The following PIP5K1C variants were observed in gnomAD, a reference collection of about 807,000 sequenced individuals.
The protein encoded by PIP5K1C is phosphatidylinositol-4-phosphate 5-kinase type 1 gamma.
PIP5K1C carries 45 observed loss-of-function variants against 80.1 expected under a neutral mutation model. That is an observed-to-expected ratio of 0.56 (90% CI 0.44 to 0.72). PIP5K1C has a LOEUF of 0.72. Ranked by LOEUF, PIP5K1C falls within the 30% of genes least tolerant of loss-of-function variation. PIP5K1C has a pLI of 0.00. For missense variants in PIP5K1C, 753 were observed against 954.6 expected, an observed-to-expected ratio of 0.79 and a Z score of 2.78; for synonymous variants, 498 against 420.1, an observed-to-expected ratio of 1.19 and a Z score of -2.27.
In PIP5K1C at chr19:3,641,688, G is replaced by A. The variant is rs767802672; in HGVS notation, c.1787+17C>T. ...CAGCAGGTGGGCGCCCCGACCTCCC[G>A]CCGAGGCCGTGCTCACCCTGCGTCC... On this transcript the variant is annotated intron_variant, in intron 15 of 17. Transcript: ENST00000335312. The A allele has an allele frequency of 7.5e-6, 12 of 1,597,864 alleles. No individual in the cohort carries two copies. The highest frequency in any genetic ancestry group is 1.9e-4 in the Middle Eastern group (1 of 5,332).
intron 1 of PIP5K1C, among the ~76,000 whole-genome samples, chr19:3,671,452 C>T (rs564744234): frequency 3.7e-4 from 56 of 152,356 alleles, no homozygotes; most frequent in Middle Eastern, 3.4e-3. Flanking sequence ...TTCACCTGCC[C>T]GACTCACCTG....
Position 3,643,252 on chromosome 19 carries a change from G to C in PIP5K1C, c.1640C>G (p.Pro547Arg). ...ERSPSETSEQ[P>R]RYRRRTQSSG... Reference sequence around the variant, plus strand: ...CGGATGCCTCGCCCACCTGTACCGCGGCTGCTCCGACGTCTCCGAGGGGGA... The same window carrying C: ...CGGATGCCTCGCCCACCTGTACCGCCGCTGCTCCGACGTCTCCGAGGGGGA... Residue 547 changes from proline to arginine, a missense_variant, in exon 13 of 18, where the codon CCG becomes CGG. Pro to Arg is a moderately radical substitution (Grantham distance 103). Around this residue, in one of 6 missense-constraint regions of PIP5K1C, gnomAD observed 315 missense variants for 294.5 expected, o/e 1.07. Transcript: ENST00000335312. The C allele has an allele frequency of 1.2e-6, 2 of 1,613,558 alleles. No homozygotes were observed. Among genetic ancestry groups the C allele is most frequent in the Non-Finnish European group, 1.7e-6 (2 of 1,179,882 alleles).
chr19:3,639,021 G>T lies in PIP5K1C; in HGVS notation c.1788-5C>A. 1 of 1,609,942 alleles carries T rather than the reference G, an allele frequency of 6.2e-7. No individual in the cohort carries two copies. Among genetic ancestry groups the T allele is most frequent in the Admixed American group, 1.7e-5 (1 of 60,004 alleles). ...CCGGCCGGGGAAGCCTCCACCCTGG[G>T]GACAGGAGTAGACAGAGGGTCTTGA... On this transcript the variant is annotated splice_region_variant and splice_polypyrimidine_tract_variant and intron_variant, in intron 15 of 17. Transcript: ENST00000335312.
chr19:3,684,989 G>A (rs1361973048), intron 1 of PIP5K1C, among the ~76,000 whole-genome samples: 1 of 152,184 alleles, frequency 6.6e-6, no homozygotes, highest in Non-Finnish European at 1.5e-5. Context: ...CCATCCTTTG[G>A]TGCCGTCTGA....
At chr19:3,661,587 G>T (rs1268640628) in intron 4 of PIP5K1C, among the ~76,000 whole-genome samples, 2 of 152,244 alleles carry the variant, frequency 1.3e-5, no homozygotes, top group Admixed American at 1.3e-4. Flanking sequence ...CAACACCATG[G>T]AACCTCCTGA....
At chr19:3,663,091 C>A (rs372774809) in intron 3 of PIP5K1C, among the ~76,000 whole-genome samples, 1 of 152,342 alleles carries the variant, frequency 6.6e-6, no homozygotes, top group East Asian at 1.9e-4. Context: ...GTCTCCAACT[C>A]CTGACCTCTG....
chr19:3,643,435 C>G (rs1332352438), intron 12 of PIP5K1C, 54 bp from the exon 13 acceptor site: 4 of 1,606,432 alleles, frequency 2.5e-6, no homozygotes, highest in African/African-American at 2.7e-5. Flanking sequence ...CCCAAACACA[C>G]AGTCGATTCT....
At chr19:3,653,222 C>T in intron 7 of PIP5K1C, 68 bp downstream of exon 7, 2 of 1,497,866 alleles carry the variant, frequency 1.3e-6, no homozygotes, top group South Asian at 1.1e-5. Context: ...CCCTGCCTGC[C>T]CAGGCCGAGC....
At chr19:3,700,105 G>A (rs1034125458) in intron 1 of PIP5K1C, among the ~76,000 whole-genome samples, 192 bp downstream of exon 1, 7 of 151,928 alleles carry the variant, frequency 4.6e-5, no homozygotes, top group East Asian at 1.9e-4. Flanking sequence ...GCCCCTCGCA[G>A]GCCTCCCGCT....
At chr19:3,661,256 C>A (rs954764619) in intron 4 of PIP5K1C, among the ~76,000 whole-genome samples, 173 bp from the exon 5 acceptor site, 1 of 152,170 alleles carries the variant, frequency 6.6e-6, no homozygotes, top group East Asian at 1.9e-4. Context: ...TGGGACTGTC[C>A]CCCAGTAACC....
At chr19:3,647,196 TCA>T (rs1488214942) in intron 10 of PIP5K1C, 140 bp downstream of exon 10, 57 of 662,772 alleles carry the variant, frequency 8.6e-5, no homozygotes, top group Admixed American at 4.6e-4. Flanking sequence ...GTGCAGGCAC[TCA>T]CAGGAGGAGG....
At chr19:3,646,079 G>C in intron 10 of PIP5K1C, 21 bp from the exon 11 acceptor site, 1 of 1,526,256 alleles carries the variant, frequency 6.6e-7, no homozygotes, top group Non-Finnish European at 9.1e-7. Context: ...GTTGGGGGGG[G>C]TGCCCGGGGG....
At chr19:3,681,650 A>C (rs1016840586) in intron 1 of PIP5K1C, among the ~76,000 whole-genome samples, 4 of 152,098 alleles carry the variant, frequency 2.6e-5, no homozygotes, top group Admixed American at 2.0e-4. Context: ...CCATGAGGTG[A>C]CTGGCATTGG....
At chr19:3,667,917 C>T (rs932600075) in intron 1 of PIP5K1C, among the ~76,000 whole-genome samples, 4 of 152,130 alleles carry the variant, frequency 2.6e-5, no homozygotes, top group Admixed American at 1.3e-4. Context: ...TTGCAGGGAG[C>T]GCCCAGCACC....
intron 1 of PIP5K1C, among the ~76,000 whole-genome samples, chr19:3,668,043 C>G (rs2035072517): frequency 6.6e-6 from 1 of 152,154 alleles, no homozygotes; most frequent in Admixed American, 6.5e-5. Context: ...GGACCCCCAG[C>G]CCTGCCCTGG....
At chr19:3,674,606 G>A (rs574639984) in intron 1 of PIP5K1C, among the ~76,000 whole-genome samples, 9 of 152,138 alleles carry the variant, frequency 5.9e-5, no homozygotes, top group South Asian at 2.1e-4. Flanking sequence ...GGGTTCAAGC[G>A]ATTCTCCTGC....
intron 3 of PIP5K1C, among the ~76,000 whole-genome samples, chr19:3,664,208 C>T (rs1342166025): frequency 6.6e-6 from 1 of 152,156 alleles, no homozygotes; most frequent in Non-Finnish European, 1.5e-5. Flanking sequence ...GGTGCCAGGG[C>T]TGGGAGTCGG....
In PIP5K1C at chr19:3,688,583, G is replaced by T. The variant is rs2035844905; in HGVS notation, c.94+11714C>A. ...CCACTGAGAGCCGCGTGTGTTTTTT[G>T]CGGTTTTGCTGGTGATTCTGCTGCT... On this transcript the variant is annotated intron_variant, in intron 1 of 17. Coordinates refer to ENST00000335312, the MANE Select transcript of PIP5K1C (RefSeq NM_012398.3). This position sits in a 1 kb window ranked among gnomAD's most constrained non-coding sequence, Gnocchi z 5.3. Among the ~76,000 whole-genome samples, 1 of 151,956 alleles carries T rather than the reference G, an allele frequency of 6.6e-6. No individual in the cohort carries two copies. The highest frequency in any genetic ancestry group is 1.5e-5 in the Non-Finnish European group (1 of 67,988).
chr19:3,633,892 A>G (rs1026875274), intron 16 of PIP5K1C, among the ~76,000 whole-genome samples: 3 of 151,978 alleles, frequency 2.0e-5, no homozygotes, highest in East Asian at 1.9e-4. Flanking sequence ...ACAGCCCCCA[A>G]TCCTGCCTGT....
Sources: allele counts gnomAD v4.1 joint callset (sites outside exome capture counted in the v4.1 genomes callset), GRCh38; gene constraint gnomAD v4.1.1; regional missense constraint gnomAD v4.1.1; non-coding constraint Gnocchi (gnomAD v3.1); transcripts MANE v1.5; gene names NCBI Gene and HGNC (gene_info 2026-07-23, HGNC 2026-07-21).